LINGO2: variants seen among roughly 807,000 people sequenced by gnomAD.
The protein encoded by LINGO2 is leucine-rich repeat and immunoglobulin-like domain-containing nogo receptor-interacting protein 2.
LINGO2 carries 14 observed loss-of-function variants against 30.6 expected under a neutral mutation model. The ratio of observed to expected loss-of-function variants is 0.46; its 90% CI spans 0.30 to 0.72. The LOEUF (loss-of-function observed/expected upper bound fraction) is 0.72. Among genes scored for constraint, LINGO2 ranks in the 30% least tolerant of loss-of-function variants. The probability of loss-of-function intolerance (pLI) is 0.07; values close to 1 mark genes in which losing one functional copy is unlikely to be tolerated. For synonymous variants in LINGO2, 317 were observed against 288.5 expected (o/e 1.10, Z -1.00); for missense variants, 729 against 751.7 (o/e 0.97, Z 0.35).
the LINGO2 span, among the ~76,000 whole-genome samples, chr9:29,205,817 C>A: frequency 1.3e-5 from 2 of 152,148 alleles, no homozygotes; most frequent in African/African-American, 4.8e-5. Context: ...ATTTGTGCAA[C>A]CATCAGCACA....
intron 4 of LINGO2, among the ~76,000 whole-genome samples, chr9:28,108,636 C>T (rs10968349): frequency 0.16 from 23,706 of 151,976 alleles, 2,105 homozygotes; most frequent in South Asian, 0.32. Flanking sequence ...TAGGTTTGTT[C>T]AGAGTAAAAA....
At chr9:27,949,975 C>G (rs547700363) in exon 6 of LINGO2, 1 of 1,614,076 alleles carries the variant, frequency 6.2e-7, no homozygotes, top group South Asian at 1.1e-5. Context: ...GGCCAATAGT[C>G]AATCTCTAGG....
chr9:28,430,109 C>CGTGCGCGCGTGT (rs1554720108), intron 2 of LINGO2, among the ~76,000 whole-genome samples: 1 of 136,100 alleles, frequency 7.3e-6, no homozygotes, highest in Non-Finnish European at 1.7e-5. Flanking sequence ...CGCGCGCGCG[C>CGTGCGCGCGTGT]GTGTGTGTGT....
chr9:28,690,082 G>A, the LINGO2 span, among the ~76,000 whole-genome samples: 1 of 152,142 alleles, frequency 6.6e-6, no homozygotes, highest in Non-Finnish European at 1.5e-5. Flanking sequence ...AGGGTGCGGG[G>A]TGGGAGGACG....
intron 1 of LINGO2, among the ~76,000 whole-genome samples, chr9:28,629,023 T>A (rs967126492): frequency 2.6e-5 from 4 of 152,122 alleles, no homozygotes; most frequent in African/African-American, 9.6e-5. Context: ...TATTGAACAT[T>A]TATTATGTGG....
At chr9:28,956,639 C>G in the LINGO2 span, among the ~76,000 whole-genome samples, 1 of 95,244 alleles carries the variant, frequency 1.0e-5, no homozygotes, top group African/African-American at 4.0e-5. Flanking sequence ...TCCCCCTTTC[C>G]TTCTTCCCTT....
chr9:29,031,763 T>G, the LINGO2 span, among the ~76,000 whole-genome samples: 2 of 152,200 alleles, frequency 1.3e-5, no homozygotes, highest in African/African-American at 4.8e-5. Context: ...GCTCTTCCGA[T>G]AAGTATGAAA....
chr9:27,949,396 G>C (rs772877318), exon 6 of LINGO2: 6 of 1,614,094 alleles, frequency 3.7e-6, no homozygotes, highest in Non-Finnish European at 5.1e-6. Flanking sequence ...TGGACTGTCT[G>C]CCCTTCATCT....
At chr9:28,825,352 A>G in the LINGO2 span, among the ~76,000 whole-genome samples, 1 of 151,956 alleles carries the variant, frequency 6.6e-6, no homozygotes, top group Non-Finnish European at 1.5e-5. Context: ...AAAGTTAGAA[A>G]CAGAGTGGTA....
the LINGO2 span, among the ~76,000 whole-genome samples, chr9:29,128,775 A>G: frequency 2.6e-5 from 4 of 152,022 alleles, no homozygotes; most frequent in African/African-American, 9.6e-5. Flanking sequence ...AGGCTATTGG[A>G]TCTTTGTTTG....
intron 2 of LINGO2, among the ~76,000 whole-genome samples, chr9:28,449,504 C>G (rs1254629451): frequency 6.6e-6 from 1 of 152,016 alleles, no homozygotes; most frequent in Non-Finnish European, 1.5e-5. Context: ...AGTACTGCTA[C>G]TTAAAGTAGG....
At chr9:27,994,912 C>G (rs1220809774) in intron 5 of LINGO2, among the ~76,000 whole-genome samples, 1 of 152,150 alleles carries the variant, frequency 6.6e-6, no homozygotes, top group East Asian at 1.9e-4. Context: ...TGTACTGTCT[C>G]TCTCTCAATA....
chr9:28,326,601 T>C (rs2134324385), intron 3 of LINGO2, among the ~76,000 whole-genome samples: 1 of 152,360 alleles, frequency 6.6e-6, no homozygotes, highest in African/African-American at 2.4e-5. Context: ...TCCATGAGAT[T>C]AAGAACTATA....
chr9:29,173,307 C>T, the LINGO2 span, among the ~76,000 whole-genome samples: 2 of 152,034 alleles, frequency 1.3e-5, no homozygotes, highest in African/African-American at 2.4e-5. Context: ...AGAGTTTCTC[C>T]AACCCTGTAT....
chr9:28,991,071 T>C, the LINGO2 span, among the ~76,000 whole-genome samples: 1 of 152,158 alleles, frequency 6.6e-6, no homozygotes, highest in Non-Finnish European at 1.5e-5. Flanking sequence ...TACTCCGAGC[T>C]ACAGGAGGAA....
At chr9:28,744,441 TGC>T in the LINGO2 span, among the ~76,000 whole-genome samples, 13 of 152,110 alleles carry the variant, frequency 8.5e-5, no homozygotes, top group African/African-American at 2.7e-4. Context: ...AAAACAAACT[TGC>T]ATGGTGTATG....
At chr9:28,590,483 A>C (rs1324204041) in intron 1 of LINGO2, among the ~76,000 whole-genome samples, 1 of 152,202 alleles carries the variant, frequency 6.6e-6, no homozygotes, top group Non-Finnish European at 1.5e-5. Context: ...CAACCCCATC[A>C]AAAAGTGGGC....
chr9:28,118,020 G>A (rs574991967), intron 4 of LINGO2, among the ~76,000 whole-genome samples: 2 of 151,998 alleles, frequency 1.3e-5, no homozygotes, highest in East Asian at 1.9e-4. Flanking sequence ...TTATAAGTGG[G>A]AGCTGAAAAA....
chr9:29,025,827 G>A, the LINGO2 span, among the ~76,000 whole-genome samples: 15 of 152,052 alleles, frequency 9.9e-5, no homozygotes, highest in East Asian at 1.9e-3. Flanking sequence ...ACCCCTGCCC[G>A]TGGTAAACAC....
Sources: allele counts gnomAD v4.1 joint callset (sites outside exome capture counted in the v4.1 genomes callset), GRCh38; gene constraint gnomAD v4.1.1; transcripts MANE v1.5; gene names NCBI Gene and HGNC (gene_info 2026-07-23, HGNC 2026-07-21).